MAP4K5: variants seen among roughly 807,000 people sequenced by gnomAD.
MAP4K5 encodes the protein mitogen-activated protein kinase kinase kinase kinase 5, also known as MAPK/ERK kinase kinase kinase 5.
Under a neutral mutation model 135.6 loss-of-function variants are expected in MAP4K5, and 82 were observed. That is an observed-to-expected ratio of 0.60 (90% CI 0.51 to 0.73). MAP4K5 has a LOEUF of 0.73. Ranked by LOEUF, MAP4K5 falls within the 30% of genes least tolerant of loss-of-function variation. The probability of loss-of-function intolerance (pLI) is 0.00; values close to 1 mark genes in which losing one functional copy is unlikely to be tolerated. For synonymous variants in MAP4K5, 347 were observed against 335.0 expected (o/e 1.04, Z -0.39); for missense variants, 907 against 1,010.9 (o/e 0.90, Z 1.39).
chr14:50,422,349 A>T (rs1341869560), intron 32 of MAP4K5, among the ~76,000 whole-genome samples: 4 of 152,114 alleles, frequency 2.6e-5, no homozygotes, highest in Non-Finnish European at 2.9e-5. Flanking sequence ...AACTCTCTTC[A>T]AAATTTTTAT....
At chr14:50,516,719 CTG>C (rs1380796846) in intron 2 of MAP4K5, among the ~76,000 whole-genome samples, 2 of 152,118 alleles carry the variant, frequency 1.3e-5, no homozygotes, top group African/African-American at 4.8e-5. Context: ...TTTAGTATAA[CTG>C]TAGTTGTATA....
intron 2 of MAP4K5, among the ~76,000 whole-genome samples, chr14:50,506,646 G>C (rs1157197214): frequency 6.6e-6 from 1 of 152,128 alleles, no homozygotes; most frequent in Non-Finnish European, 1.5e-5. Context: ...TGAACCACCA[G>C]GCCTGGCAAG....
intron 30 of MAP4K5, 146 bp downstream of exon 30, chr14:50,428,516 A>G (rs2035898841): frequency 4.4e-6 from 2 of 458,178 alleles, no homozygotes; most frequent in South Asian, 3.9e-5. Context: ...TTGGCCTCCC[A>G]AAGTGCTGGG....
intron 14 of MAP4K5, among the ~76,000 whole-genome samples, chr14:50,453,272 C>CAAAAAAAAAAAAAAAAAAAAAAAAAAAA (rs750792572): frequency 9.5e-6 from 1 of 105,804 alleles, no homozygotes; most frequent in Non-Finnish European, 2.1e-5. Flanking sequence ...GATGACAAAC[C>CAAAAAAAAAAAAAAAAAAAAAAAAAAAA]AAAAAAAAAA....
At chr14:50,451,578 T>C (rs2036486247) in intron 14 of MAP4K5, among the ~76,000 whole-genome samples, 1 of 152,044 alleles carries the variant, frequency 6.6e-6, no homozygotes, top group African/African-American at 2.4e-5. Flanking sequence ...TATCTTTTTT[T>C]AAAAACTGAG....
At chr14:50,484,879 T>C (rs1011149174) in intron 5 of MAP4K5, among the ~76,000 whole-genome samples, 3 of 152,188 alleles carry the variant, frequency 2.0e-5, no homozygotes, top group African/African-American at 7.2e-5. Flanking sequence ...TAAAAATATT[T>C]CACGTAATTC....
exon 1 of MAP4K5, chr14:50,561,116 A>G (rs1172144390): frequency 6.6e-6 from 1 of 152,282 alleles, no homozygotes; most frequent in Non-Finnish European, 1.5e-5. Flanking sequence ...CAGTATGTTC[A>G]CACCGCGAGT....
At chr14:50,485,865 T>G in intron 4 of MAP4K5, 1 of 540,628 alleles carries the variant, frequency 1.8e-6, no homozygotes, top group Non-Finnish European at 3.2e-6. Context: ...GTTAAAACAC[T>G]TACTTGTAAT....
intron 14 of MAP4K5, among the ~76,000 whole-genome samples, chr14:50,453,418 T>C (rs189878929): frequency 3.3e-5 from 5 of 152,248 alleles, no homozygotes; most frequent in Admixed American, 6.5e-5. Flanking sequence ...AGAAACAATG[T>C]TTCTCCCAAG....
chr14:50,421,940 G>C (rs2035743519), intron 32 of MAP4K5, among the ~76,000 whole-genome samples: 1 of 149,568 alleles, frequency 6.7e-6, no homozygotes, highest in Non-Finnish European at 1.5e-5. Flanking sequence ...CGCCCAGGCT[G>C]AAGTGCAGTG....
intron 1 of MAP4K5, chr14:50,542,596 A>G (rs2038579505): frequency 6.6e-6 from 1 of 152,264 alleles, no homozygotes; most frequent in South Asian, 2.1e-4. Context: ...TGGAAGACAC[A>G]AGTAAATCAT....
At chr14:50,525,411 A>G (rs2038241918) in intron 2 of MAP4K5, among the ~76,000 whole-genome samples, 2 of 151,964 alleles carry the variant, frequency 1.3e-5, no homozygotes, top group African/African-American at 4.8e-5. Flanking sequence ...CCTTCCTTTC[A>G]TCTTCTATAC....
At position 50,428,614 on chromosome 14, in the gene MAP4K5, A is replaced by G. The variant is rs778312897; in HGVS notation, c.2326+48T>C. On this transcript the variant is annotated intron_variant, in intron 30 of 32. Coordinates refer to ENST00000682126, the MANE Select transcript of MAP4K5 (RefSeq NM_006575.6). ...AACCCTAAGTACAGAATGAATTTTA[A>G]TAATCATTAAGTATCGCAAACTGAT... 3.4e-5 allele frequency: 35 copies of G among 1,034,910 alleles called. No homozygotes were observed. The Middle Eastern group carries it at 7.1e-4, about 21-fold the overall frequency. The allele number at this position is 1,034,910 out of a possible 1,614,324, so 64.1% of individuals were successfully genotyped here.
In MAP4K5 at chr14:50,443,960, T is replaced by G; in HGVS notation, c.1416A>C (p.Lys472Asn). The G allele has an allele frequency of 1.2e-6, 2 of 1,608,600 alleles. No homozygotes were observed. The highest frequency in any genetic ancestry group is 1.7e-6 in the Non-Finnish European group (2 of 1,177,096). The change falls in exon 19 of 33, where the codon AAA (lysine) becomes AAC (asparagine). Residue 472 changes from lysine (K) to asparagine (N), a missense_variant. Physicochemically the swap from Lys to Asn is moderately conservative, Grantham distance 94. Around this residue, in one of 3 missense-constraint regions of MAP4K5, gnomAD observed 690 missense variants for 777.4 expected, o/e 0.89. Coordinates refer to ENST00000682126, the MANE Select transcript of MAP4K5 (RefSeq NM_006575.6). ...GSAQAPQLPR[K>N]KDKRDFPKPA... ...CTACAGGGAAGTCTCGTTTGTCCTT[T>G]TTTCGTGGTAACTGTGGTGCTTGTG... is the stretch of plus-strand genomic sequence containing the variant.
chr14:50,533,151 T>C (rs1391690196), upstream of MAP4K5: 1 of 152,322 alleles, frequency 6.6e-6, no homozygotes, highest in East Asian at 1.9e-4. Flanking sequence ...TTTCTGAAAG[T>C]CTGAATTCCT....
At chr14:50,545,086 T>A (rs2038614196) in intron 1 of MAP4K5, among the ~76,000 whole-genome samples, 1 of 152,132 alleles carries the variant, frequency 6.6e-6, no homozygotes, top group African/African-American at 2.4e-5. Context: ...CAGGTGTTTC[T>A]GAGAACCCAA....
At chr14:50,519,847 T>C (rs187884077) in intron 2 of MAP4K5, among the ~76,000 whole-genome samples, 5 of 152,198 alleles carry the variant, frequency 3.3e-5, no homozygotes, top group African/African-American at 1.2e-4. Flanking sequence ...AAACAATTCC[T>C]GGAAAAAACT....
chr14:50,447,358 A>C, intron 16 of MAP4K5, 56 bp downstream of exon 16: 1 of 1,060,572 alleles, frequency 9.4e-7, no homozygotes, highest in African/African-American at 1.6e-5. Context: ...CACATGCCCC[A>C]TACTGTTCTT....
upstream of MAP4K5, chr14:50,533,289 C>CCACTT (rs1332418933): frequency 2.0e-5 from 3 of 152,044 alleles, no homozygotes; most frequent in African/African-American, 7.2e-5. Flanking sequence ...TCTGGTTCTA[C>CCACTT]CACTTCCTCA....
Sources: gnomAD v4.1 joint callset for allele counts (sites outside exome capture counted in the v4.1 genomes callset) on GRCh38, gnomAD v4.1.1 for gene constraint, gnomAD v4.1.1 regional missense constraint, MANE v1.5 for transcripts, NCBI Gene and HGNC (gene_info 2026-07-23, HGNC 2026-07-21) for gene names.